The following PRKCA variants were observed in gnomAD, a reference collection of about 807,000 sequenced individuals.
The protein encoded by PRKCA is protein kinase C alpha.
PRKCA carries 27 observed loss-of-function variants against 87.0 expected under a neutral mutation model. The ratio of observed to expected loss-of-function variants is 0.31; its 90% CI spans 0.23 to 0.43. PRKCA has a LOEUF of 0.43. Ranked by LOEUF, PRKCA falls within the 20% of genes least tolerant of loss-of-function variation. PRKCA has a pLI of 1.00. For synonymous variants in PRKCA, 329 were observed against 311.1 expected (o/e 1.06, Z -0.61); for missense variants, 518 against 852.3 (o/e 0.61, Z 4.88).
intron 8 of PRKCA, among the ~76,000 whole-genome samples, chr17:66,721,123 G>A (rs1331275502): frequency 6.6e-6 from 1 of 152,112 alleles, no homozygotes; most frequent in Non-Finnish European, 1.5e-5. Context: ...TGGGCCGGGT[G>A]CAGTGGCTCA....
chr17:66,518,431 G>GA (rs1164928522), intron 3 of PRKCA, among the ~76,000 whole-genome samples: 1 of 152,116 alleles, frequency 6.6e-6, no homozygotes, highest in Non-Finnish European at 1.5e-5. Context: ...CTTTTTTCAG[G>GA]AAAAAATATG....
chr17:66,774,977 T>A, intron 14 of PRKCA: 1 of 985,426 alleles, frequency 1.0e-6, no homozygotes, highest in Non-Finnish European at 1.2e-6. Context: ...TCTAATATAA[T>A]GGCCTTAATA....
At chr17:66,378,008 T>A (rs928383184) in intron 2 of PRKCA, among the ~76,000 whole-genome samples, 1 of 152,104 alleles carries the variant, frequency 6.6e-6, no homozygotes, top group African/African-American at 2.4e-5. Context: ...CACATTATAT[T>A]GTACCCCACA....
chr17:66,593,221 GGTGTTTCCTCCCAT>G (rs1395401022), intron 3 of PRKCA, among the ~76,000 whole-genome samples: 1 of 152,192 alleles, frequency 6.6e-6, no homozygotes, highest in African/African-American at 2.4e-5. Context: ...GAGAGAAGTC[GGTGTTTCCTCCCAT>G]GTAGCAGTCC....
chr17:66,477,698 T>C (rs1953933276), intron 2 of PRKCA, among the ~76,000 whole-genome samples: 1 of 152,178 alleles, frequency 6.6e-6, no homozygotes, highest in African/African-American at 2.4e-5. Flanking sequence ...AGACTCCGTC[T>C]CAAAACAAAA....
intron 2 of PRKCA, among the ~76,000 whole-genome samples, chr17:66,396,073 G>C (rs1168041621): frequency 7.0e-6 from 1 of 143,650 alleles, no homozygotes; most frequent in Non-Finnish European, 1.5e-5. Flanking sequence ...TTTTTTAATT[G>C]AATATTGTAA....
chr17:66,310,589 A>C (rs988781199), intron 2 of PRKCA, among the ~76,000 whole-genome samples: 1 of 152,184 alleles, frequency 6.6e-6, no homozygotes, highest in African/African-American at 2.4e-5. Context: ...GGCCTGTTTC[A>C]GAGAAGGTAT....
intron 3 of PRKCA, among the ~76,000 whole-genome samples, chr17:66,623,896 C>T (rs903295947): frequency 1.3e-5 from 2 of 151,730 alleles, no homozygotes; most frequent in Non-Finnish European, 2.9e-5. Flanking sequence ...GTGCAAAGGC[C>T]CTGAGGCAAG....
intron 3 of PRKCA, among the ~76,000 whole-genome samples, chr17:66,571,106 G>A (rs181222175): frequency 6.6e-5 from 10 of 152,238 alleles, no homozygotes; most frequent in South Asian, 2.1e-4. Context: ...CTTAAATTTC[G>A]TACTAAATGT....
chr17:66,781,119 A>C (rs1232751675), intron 14 of PRKCA, among the ~76,000 whole-genome samples: 4 of 152,122 alleles, frequency 2.6e-5, no homozygotes, highest in Non-Finnish European at 4.4e-5. Context: ...AAAATATAAA[A>C]ATAAAACACG....
chr17:66,762,576 G>A (rs184470928), intron 13 of PRKCA, among the ~76,000 whole-genome samples: 3 of 152,140 alleles, frequency 2.0e-5, no homozygotes, highest in Non-Finnish European at 1.5e-5. Context: ...GAAGTATCTC[G>A]ATTGAGAGCT....
chr17:66,476,453 G>A (rs1262748830), intron 2 of PRKCA, among the ~76,000 whole-genome samples: 1 of 152,142 alleles, frequency 6.6e-6, no homozygotes, highest in Non-Finnish European at 1.5e-5. Flanking sequence ...GAGGAGCCCC[G>A]AGAGAATGCC....
chr17:66,613,779 CTTTT>C (rs57610655), intron 3 of PRKCA, among the ~76,000 whole-genome samples: 2 of 69,416 alleles, frequency 2.9e-5, no homozygotes, highest in Non-Finnish European at 4.8e-5. Flanking sequence ...TGACTTCATC[CTTTT>C]TTTTTTTTTT....
At chr17:66,522,597 G>A (rs1010516683) in intron 3 of PRKCA, among the ~76,000 whole-genome samples, 1 of 152,078 alleles carries the variant, frequency 6.6e-6, no homozygotes, top group African/African-American at 2.4e-5. Context: ...TCTGTACTGG[G>A]GGTTCATGCT....
At chr17:66,669,320 A>G (rs144690765) in intron 5 of PRKCA, among the ~76,000 whole-genome samples, 2 of 152,316 alleles carry the variant, frequency 1.3e-5, no homozygotes, top group Non-Finnish European at 1.5e-5. Context: ...CAAACAGCAG[A>G]ATTGGCATTG....
intron 2 of PRKCA, among the ~76,000 whole-genome samples, chr17:66,360,657 G>A (rs1036074300): frequency 1.3e-5 from 2 of 152,174 alleles, no homozygotes; most frequent in Non-Finnish European, 2.9e-5. Context: ...TCAGGCAGGA[G>A]TCAGATTTAA....
chr17:66,566,603 G>A (rs897210003), intron 3 of PRKCA, among the ~76,000 whole-genome samples: 7 of 148,144 alleles, frequency 4.7e-5, no homozygotes, highest in African/African-American at 1.2e-4. Context: ...TTATTTTTTA[G>A]GAAAAGGTAA....
At chr17:66,406,202 T>C (rs1911363665) in intron 2 of PRKCA, among the ~76,000 whole-genome samples, 1 of 152,154 alleles carries the variant, frequency 6.6e-6, no homozygotes. Flanking sequence ...TACATTGATT[T>C]CTTGCTCATT....
At chr17:66,693,224 A>T (rs1357238446) in intron 8 of PRKCA, among the ~76,000 whole-genome samples, 3 of 152,212 alleles carry the variant, frequency 2.0e-5, no homozygotes, top group Non-Finnish European at 4.4e-5. Context: ...GCTGGTAGAG[A>T]TCCTGCTAGA....
Sources: gnomAD v4.1 joint callset for allele counts (sites outside exome capture counted in the v4.1 genomes callset) on GRCh38, gnomAD v4.1.1 for gene constraint, MANE v1.5 for transcripts, NCBI Gene and HGNC (gene_info 2026-07-23, HGNC 2026-07-21) for gene names.